Variants in CTNNA2 observed in about 807,000 individuals in gnomAD.
The protein encoded by CTNNA2 is catenin alpha-2.
In CTNNA2, 42 loss-of-function variants were observed where a neutral mutation model predicts 101.0. That is an observed-to-expected ratio of 0.42 (90% CI 0.32 to 0.54). The LOEUF is 0.54. Among genes scored for constraint, CTNNA2 ranks in the 20% least tolerant of loss-of-function variants. The pLI is 0.14. For missense variants in CTNNA2, 871 were observed against 1,223.1 expected, an observed-to-expected ratio of 0.71 and a Z score of 4.29; for synonymous variants, 450 against 456.4, an observed-to-expected ratio of 0.99 and a Z score of 0.18.
intron 4 of CTNNA2, among the ~76,000 whole-genome samples, chr2:79,466,082 C>G (rs560848008): frequency 6.6e-6 from 1 of 152,160 alleles, no homozygotes; most frequent in Non-Finnish European, 1.5e-5. Context: ...CGAAGCAGGG[C>G]GAGGCATCGC....
At chr2:80,216,720 G>A (rs1005042413) in intron 7 of CTNNA2, among the ~76,000 whole-genome samples, 6 of 152,118 alleles carry the variant, frequency 3.9e-5, no homozygotes, top group African/African-American at 1.2e-4. Flanking sequence ...AATTTCTGTT[G>A]TTGACAAGTA....
chr2:80,028,755 A>G (rs1401871398), intron 7 of CTNNA2, among the ~76,000 whole-genome samples: 1 of 152,186 alleles, frequency 6.6e-6, no homozygotes, highest in Non-Finnish European at 1.5e-5. Flanking sequence ...AGTTAGAGAG[A>G]GGTGTGAAGA....
At chr2:79,331,313 A>G (rs1394158308) in intron 3 of CTNNA2, among the ~76,000 whole-genome samples, 2 of 152,120 alleles carry the variant, frequency 1.3e-5, no homozygotes, top group Non-Finnish European at 2.9e-5. Context: ...TATGGTGTCT[A>G]TGGGATGTTT....
chr2:79,241,967 G>A (rs531815652), intron 2 of CTNNA2, among the ~76,000 whole-genome samples: 4 of 151,660 alleles, frequency 2.6e-5, no homozygotes, highest in South Asian at 4.2e-4. Context: ...GTGCAGTGGC[G>A]CGATCTCCGC....
chr2:79,305,744 C>G (rs868857884), intron 2 of CTNNA2, among the ~76,000 whole-genome samples: 5 of 151,954 alleles, frequency 3.3e-5, no homozygotes, highest in Admixed American at 2.6e-4. Flanking sequence ...GAGTATTCAG[C>G]CTTAAGAAAC....
rs559799115 is a variant in CTNNA2, at chr2:80,407,163, TCTAGCAGAGTATGAGGCAGGGAAATAACA to T, written c.1138-12285_1138-12257del. On this transcript the variant is annotated intron_variant, in intron 8 of 18. Coordinates refer to ENST00000402739, the MANE Select transcript of CTNNA2 (RefSeq NM_001282597.3). ...GGGACCACTAGAATAACCTTTGCTTTCTAGCAGAGTATGAGGCAGGGAAATAACAAAAGTCGTTTGGTCAAATACCAGTC... is the reference window on the plus strand; with the variant it reads ...GGGACCACTAGAATAACCTTTGCTTTAAAGTCGTTTGGTCAAATACCAGTC... 1.2e-3 allele frequency among the ~76,000 whole-genome samples: 186 copies of T among 152,328 alleles called. 3 individuals carry two copies. Among genetic ancestry groups the T allele is most frequent in the African/African-American group, 4.4e-3 (181 of 41,592 alleles).
chr2:79,773,401 G>A (rs141999088), intron 3 of CTNNA2, among the ~76,000 whole-genome samples: 1 of 152,190 alleles, frequency 6.6e-6, no homozygotes, highest in Admixed American at 6.5e-5. Context: ...GGAGACCTGA[G>A]ACATCAATCA....
intron 2 of CTNNA2, among the ~76,000 whole-genome samples, chr2:79,740,085 T>C (rs1299055828): frequency 6.6e-6 from 1 of 152,006 alleles, no homozygotes; most frequent in African/African-American, 2.4e-5. Context: ...GTGAAGGGGG[T>C]TTGTGGTACA....
intron 4 of CTNNA2, among the ~76,000 whole-genome samples, chr2:79,480,980 C>T (rs1337548065): frequency 6.6e-6 from 1 of 151,618 alleles, no homozygotes; most frequent in Non-Finnish European, 1.5e-5. Flanking sequence ...AAATTAATGT[C>T]CTTAGTAGGG....
intron 7 of CTNNA2, among the ~76,000 whole-genome samples, chr2:80,160,935 T>A (rs914848939): frequency 7.9e-5 from 12 of 152,144 alleles, no homozygotes; most frequent in African/African-American, 2.7e-4. Context: ...GTTGAAAATG[T>A]TCCCCTCTAT....
chr2:79,768,786 C>T (rs1393712583), intron 3 of CTNNA2, among the ~76,000 whole-genome samples: 1 of 152,140 alleles, frequency 6.6e-6, no homozygotes, highest in Non-Finnish European at 1.5e-5. Flanking sequence ...CACGCCAACT[C>T]TCTCATACCG....
chr2:79,210,088 T>TTTTTTGTGTGTGTGTGTGTGTGTGTGTG (rs112984318), intron 2 of CTNNA2, among the ~76,000 whole-genome samples: 1 of 144,788 alleles, frequency 6.9e-6, no homozygotes, highest in African/African-American at 2.6e-5. Flanking sequence ...TCAAGCTATA[T>TTTTTTGTGTGTGTGTGTGTGTGTGTGTG]TGTGTGTGTG....
intron 18 of CTNNA2, among the ~76,000 whole-genome samples, chr2:80,638,578 T>C (rs1673113529): frequency 1.3e-5 from 2 of 152,294 alleles, no homozygotes; most frequent in South Asian, 4.1e-4. Context: ...CCACTTATCT[T>C]TGAGATTTCC....
intron 18 of CTNNA2, among the ~76,000 whole-genome samples, chr2:80,626,428 G>A (rs1671690708): frequency 6.6e-6 from 1 of 152,044 alleles, no homozygotes; most frequent in African/African-American, 2.4e-5. Flanking sequence ...AGCTATGTTA[G>A]TACCCTCTAA....
chr2:79,845,687 TG>T (rs1404256830), intron 3 of CTNNA2, among the ~76,000 whole-genome samples: 1 of 152,162 alleles, frequency 6.6e-6, no homozygotes, highest in Non-Finnish European at 1.5e-5. Context: ...ATCACAGGAG[TG>T]AAGAAAGCTT....
chr2:80,095,519 A>G (rs995450628), intron 7 of CTNNA2, among the ~76,000 whole-genome samples: 3 of 152,230 alleles, frequency 2.0e-5, no homozygotes, highest in Non-Finnish European at 4.4e-5. Flanking sequence ...TGGCCTCATC[A>G]AATGAGTTAG....
intron 7 of CTNNA2, among the ~76,000 whole-genome samples, chr2:80,097,029 G>A (rs1700199533): frequency 1.3e-5 from 2 of 152,266 alleles, no homozygotes; most frequent in Admixed American, 6.5e-5. Flanking sequence ...ATTGTTATGT[G>A]TGAATTTGAT....
intron 7 of CTNNA2, among the ~76,000 whole-genome samples, chr2:80,372,949 G>T (rs1488830945): frequency 3.9e-5 from 6 of 152,132 alleles, no homozygotes; most frequent in African/African-American, 1.4e-4. Flanking sequence ...ATTCTACAAT[G>T]CCTAGGGTAG....
intron 3 of CTNNA2, among the ~76,000 whole-genome samples, chr2:79,323,704 G>C (rs1251230660): frequency 3.3e-5 from 5 of 152,182 alleles, no homozygotes; most frequent in Admixed American, 3.3e-4. Flanking sequence ...TGCAGGATTA[G>C]GGATGTAATA....
Sources: gnomAD v4.1 joint callset for allele counts (sites outside exome capture counted in the v4.1 genomes callset) on GRCh38, gnomAD v4.1.1 for gene constraint, MANE v1.5 for transcripts, NCBI Gene and HGNC (gene_info 2026-07-23, HGNC 2026-07-21) for gene names.